TRAPPC9: variants seen among roughly 807,000 people sequenced by gnomAD.
The protein encoded by TRAPPC9 is IKK2 binding protein.
A neutral mutation model predicts 124.0 loss-of-function variants in TRAPPC9; 83 were observed. The observed-to-expected ratio is 0.67, with a 90% confidence interval of 0.56 to 0.80. The LOEUF is 0.80. Among genes scored for constraint, TRAPPC9 ranks in the 30% least tolerant of loss-of-function variants. TRAPPC9 has a pLI of 0.00. For missense variants in TRAPPC9, 1,302 were observed against 1,508.3 expected (o/e 0.86, Z 2.27); for synonymous variants, 638 against 617.5 (o/e 1.03, Z -0.49).
chr8:140,410,225 G>A (rs995946523), intron 5 of TRAPPC9, among the ~76,000 whole-genome samples: 6 of 150,328 alleles, frequency 4.0e-5, no homozygotes, highest in Non-Finnish European at 7.4e-5. Context: ...TTTGATTTTT[G>A]GAATCATATT....
chr8:140,268,245 T>C (rs1176577373), intron 15 of TRAPPC9, among the ~76,000 whole-genome samples: 1 of 151,986 alleles, frequency 6.6e-6, no homozygotes, highest in Non-Finnish European at 1.5e-5. Flanking sequence ...CATAACCGAG[T>C]CCTATACTGT....
In TRAPPC9 at chr8:140,454,749, G is replaced by A. The variant is rs141120333; in HGVS notation, c.-11+2890C>T. The stretch of plus-strand genomic sequence containing the variant: ...AGGTCAGGAGTTCGAGACCAGCCTG[G>A]CCAACATGGCAAAACCCTTTCTCTA... On this transcript the variant is annotated intron_variant, in intron 1 of 22. Coordinates refer to ENST00000438773, the MANE Select transcript of TRAPPC9 (RefSeq NM_001160372.4). Among the ~76,000 whole-genome samples the A allele has an allele frequency of 5.3e-4, 80 of 150,918 alleles. No individual in the cohort carries two copies. In the East Asian group the frequency reaches 0.014, roughly 27 times the overall value.
At chr8:140,237,160 G>A (rs1004965431) in intron 16 of TRAPPC9, among the ~76,000 whole-genome samples, 29 of 151,882 alleles carry the variant, frequency 1.9e-4, no homozygotes, top group African/African-American at 5.8e-4. Context: ...TGGCCTAGGC[G>A]AAACAGTGAG....
chr8:139,766,966 T>A (rs1820625989), intron 21 of TRAPPC9, among the ~76,000 whole-genome samples: 1 of 152,218 alleles, frequency 6.6e-6, no homozygotes, highest in South Asian at 2.1e-4. Context: ...GCCCACCACA[T>A]GACTGTGAGC....
intron 21 of TRAPPC9, among the ~76,000 whole-genome samples, chr8:139,800,360 C>A (rs1823399616): frequency 6.6e-6 from 1 of 152,260 alleles, no homozygotes; most frequent in Non-Finnish European, 1.5e-5. Context: ...GGAGCATGTG[C>A]CCCAGAGACC....
intron 14 of TRAPPC9, among the ~76,000 whole-genome samples, chr8:140,279,030 GT>G (rs2131676356): frequency 6.6e-6 from 1 of 152,312 alleles, no homozygotes; most frequent in Admixed American, 6.5e-5. Context: ...TATTTATTGG[GT>G]TGGTTGACTT....
At chr8:140,205,801 C>T (rs2062904137) in intron 17 of TRAPPC9, among the ~76,000 whole-genome samples, 1 of 152,194 alleles carries the variant, frequency 6.6e-6, no homozygotes, top group African/African-American at 2.4e-5. Flanking sequence ...CCCAGAGTCA[C>T]CATCTGCCCA....
At chr8:139,991,654 G>T (rs1837656576) in intron 18 of TRAPPC9, among the ~76,000 whole-genome samples, 1 of 151,572 alleles carries the variant, frequency 6.6e-6, no homozygotes, top group Non-Finnish European at 1.5e-5. Context: ...TCCTGGAAGA[G>T]CTGAGACCAA....
chr8:140,434,737 G>A lies in TRAPPC9; in HGVS notation c.859+375C>T, dbSNP rs375640537. Among the ~76,000 whole-genome samples the A allele has an allele frequency of 3.9e-4, 60 of 152,254 alleles. No individual in the cohort carries two copies. The South Asian group carries it at 0.012, about 29-fold the overall frequency. ...TGTAATCCCAGCACTTTGGGAGGCC[G>A]AGGCGGGTGGATCACGAGGTCAAGC... On this transcript the variant is annotated intron_variant, in intron 4 of 22. Coordinates refer to ENST00000438773, the MANE Select transcript of TRAPPC9 (RefSeq NM_001160372.4).
At position 140,000,685 on chromosome 8, in the gene TRAPPC9, C is replaced by T. The variant is rs1390786316; in HGVS notation, c.2700-11849G>A. 2.0e-5 allele frequency among the ~76,000 whole-genome samples: 3 copies of T among 152,158 alleles called. No homozygotes were observed. In the South Asian group the frequency reaches 6.2e-4, roughly 32 times the overall value. On this transcript the variant is annotated intron_variant, in intron 18 of 22. Transcript: ENST00000438773. ...TGCAAATCAAAACCACAATGAGATA[C>T]CATCTCATGCCAGTTAGAATGGCAA...
Position 139,794,255 on chromosome 8 carries a change from G to A in TRAPPC9, c.3056-62053C>T, listed in dbSNP as rs528887141. Among the ~76,000 whole-genome samples the A allele has an allele frequency of 5.9e-5, 9 of 152,308 alleles. No individual in the cohort carries two copies. The South Asian group carries it at 1.9e-3, about 32-fold the overall frequency. On this transcript the variant is annotated intron_variant, in intron 21 of 22. Coordinates refer to ENST00000438773, the MANE Select transcript of TRAPPC9 (RefSeq NM_001160372.4). ...CCTGCCTGGCTCTGTGACCTTGGTG[G>A]TCCCCTAACGATGTGCCGTGGGGTC...
intron 21 of TRAPPC9, among the ~76,000 whole-genome samples, chr8:139,752,141 C>T (rs947680970): frequency 7.3e-5 from 11 of 150,542 alleles, no homozygotes; most frequent in African/African-American, 2.2e-4. Flanking sequence ...ATCTATATAT[C>T]GATCCATCTA....
Position 139,910,023 on chromosome 8 carries a change from C to G in TRAPPC9, c.2964+124G>C. On this transcript the variant is annotated intron_variant, in intron 20 of 22. Coordinates refer to ENST00000438773, the MANE Select transcript of TRAPPC9 (RefSeq NM_001160372.4). Reference sequence around the variant, plus strand: ...CAAGCCTTTGGTCCACATCTCCTTGCCACAGCATTTCTGAGCTACCTGTGG... The same window carrying G: ...CAAGCCTTTGGTCCACATCTCCTTGGCACAGCATTTCTGAGCTACCTGTGG... 5 of 1,148,768 alleles carry G rather than the reference C, an allele frequency of 4.4e-6. No individual in the cohort carries two copies. In the Admixed American group the frequency reaches 1.1e-4, roughly 25 times the overall value. 71.2% of individuals were successfully genotyped at this position (1,148,768 alleles called of 1,614,324 possible). A position where few individuals can be genotyped will look rare whatever the true frequency, so the allele number is the denominator to read the frequency against.
At chr8:140,307,500 A>G (rs1339361218) in intron 10 of TRAPPC9, among the ~76,000 whole-genome samples, 1 of 152,212 alleles carries the variant, frequency 6.6e-6, no homozygotes, top group African/African-American at 2.4e-5. Flanking sequence ...AAGAAGAGAG[A>G]AGGACCCAAA....
At chr8:139,739,227 C>T (rs1045924842) in intron 21 of TRAPPC9, among the ~76,000 whole-genome samples, 10 of 152,094 alleles carry the variant, frequency 6.6e-5, no homozygotes, top group Admixed American at 2.0e-4. Flanking sequence ...CCTCTCCTCC[C>T]GGACACCCAG....
At chr8:140,160,561 C>T (rs1027258888) in intron 17 of TRAPPC9, among the ~76,000 whole-genome samples, 10 of 151,368 alleles carry the variant, frequency 6.6e-5, no homozygotes, top group South Asian at 4.2e-4. Context: ...AACCAAACAC[C>T]GCATGTTCTC....
At chr8:139,739,713 C>T (rs990799928) in intron 21 of TRAPPC9, among the ~76,000 whole-genome samples, 2 of 152,374 alleles carry the variant, frequency 1.3e-5, no homozygotes, top group East Asian at 1.9e-4. Flanking sequence ...TGTATTTTCT[C>T]ATGGCCCTGG....
rs71320340 is a variant in TRAPPC9, at chr8:140,019,542, C to CTTTTTTT, written c.2699+4388_2699+4394dup. Among the ~76,000 whole-genome samples, 38 of 43,866 alleles carry CTTTTTTT rather than the reference C, an allele frequency of 8.7e-4. 3 individuals carry two copies. Among genetic ancestry groups the CTTTTTTT allele is most frequent in the African/African-American group, 1.9e-3 (21 of 10,878 alleles). The allele number at this position is 43,866 out of a possible 152,430, so 28.8% of individuals were successfully genotyped here. A position where few individuals can be genotyped will look rare whatever the true frequency, so the allele number is the denominator to read the frequency against. On this transcript the variant is annotated intron_variant, in intron 18 of 22. Transcript: ENST00000438773. Reference sequence around the variant, plus strand: ...CTGTGTCAATTTTAGTAATTTGTGTCTTTTTTTTTTTTTTTTTTTTTTTTT... The same window carrying CTTTTTTT: ...CTGTGTCAATTTTAGTAATTTGTGTCTTTTTTTTTTTTTTTTTTTTTTTTTTTTTTTT...
chr8:139,737,152 ACTC>A (rs1818227179), intron 21 of TRAPPC9, among the ~76,000 whole-genome samples: 1 of 151,842 alleles, frequency 6.6e-6, no homozygotes, highest in African/African-American at 2.4e-5. Flanking sequence ...GGCTGGCTCT[ACTC>A]CTGGCTCCCC....
Sources: allele counts gnomAD v4.1 joint callset (sites outside exome capture counted in the v4.1 genomes callset), GRCh38; gene constraint gnomAD v4.1.1; transcripts MANE v1.5; gene names NCBI Gene and HGNC (gene_info 2026-07-23, HGNC 2026-07-21).